The following ELOVL2 variants were observed in gnomAD, a reference collection of about 807,000 sequenced individuals.
The protein encoded by ELOVL2 is very long chain fatty acid elongase 2.
A neutral mutation model predicts 37.7 loss-of-function variants in ELOVL2; 38 were observed. The observed-to-expected ratio is 1.01, with a 90% CI of 0.78 to 1.32. ELOVL2 has a LOEUF of 1.32. Ranked by LOEUF, ELOVL2 falls within the 40% of genes most tolerant of loss-of-function variation. ELOVL2 has a pLI of 0.00. For missense variants in ELOVL2, 352 were observed against 363.6 expected (o/e 0.97, Z 0.26); for synonymous variants, 115 against 122.3 (o/e 0.94, Z 0.40).
chr6:11,017,452 G>A (rs1782702412), intron 1 of ELOVL2, among the ~76,000 whole-genome samples: 1 of 152,124 alleles, frequency 6.6e-6, no homozygotes, highest in African/African-American at 2.4e-5. Flanking sequence ...GGTATCTCAG[G>A]ATACCACAAA....
Position 10,989,685 on chromosome 6 carries a change from T to C in ELOVL2, c.765+18A>G. 1 of 1,608,874 alleles carries C rather than the reference T, an allele frequency of 6.2e-7. No homozygotes were observed. Among genetic ancestry groups the C allele is most frequent in the Non-Finnish European group, 8.5e-7 (1 of 1,176,974 alleles). On this transcript the variant is annotated intron_variant, in intron 7 of 7. Transcript: ENST00000354666. Reference sequence around the variant, plus strand: ...CAATCGATTACATTTTACTGCTGAATATTTACATTCCACGTACCTGAACGT... The same window carrying C: ...CAATCGATTACATTTTACTGCTGAACATTTACATTCCACGTACCTGAACGT...
chr6:11,031,601 CT>C (rs1232757957), intron 1 of ELOVL2, among the ~76,000 whole-genome samples: 2 of 152,142 alleles, frequency 1.3e-5, no homozygotes, highest in Admixed American at 6.6e-5. Context: ...TAGTGCTAAT[CT>C]TTTGTTATAT....
chr6:10,998,825 T>C (rs931761768), intron 4 of ELOVL2, among the ~76,000 whole-genome samples: 1 of 152,264 alleles, frequency 6.6e-6, no homozygotes, highest in Non-Finnish European at 1.5e-5. Context: ...TGGGTTGTCA[T>C]AGACTAGGCC....
chr6:11,029,223 CAAAAAAAAAAA>C (rs376639413), intron 1 of ELOVL2, among the ~76,000 whole-genome samples: 13 of 75,784 alleles, frequency 1.7e-4, no homozygotes, highest in African/African-American at 5.2e-4. Context: ...AGGGAGATCT[CAAAAAAAAAAA>C]AAAAAAAAAA....
rs112664288 is a variant in ELOVL2 at position 10,989,980 on chromosome 6, C to T, written c.631-143G>A. ...CAAAACAAAGCTGCTGAAGCAGCCC[C>T]CTCATCCAGAAATCTTATTTGAAAT... On this transcript the variant is annotated intron_variant, in intron 6 of 7. Coordinates refer to ENST00000354666, the MANE Select transcript of ELOVL2 (RefSeq NM_017770.4). 4.9e-4 allele frequency: 456 copies of T among 921,652 alleles called. 2 individuals carry two copies. In the African/African-American group the frequency reaches 6.7e-3, roughly 14 times the overall value. 57.1% of individuals were successfully genotyped at this position (921,652 alleles called of 1,614,324 possible). A position where few individuals can be genotyped will look rare whatever the true frequency, so the allele number is the denominator to read the frequency against.
At chr6:10,993,119 C>T (rs1048821294) in intron 5 of ELOVL2, among the ~76,000 whole-genome samples, 1 of 152,114 alleles carries the variant, frequency 6.6e-6, no homozygotes, top group Admixed American at 6.6e-5. Context: ...GCATTTATAG[C>T]CTTGGTCAAA....
chr6:10,990,214 G>A, intron 6 of ELOVL2, 104 bp downstream of exon 6: 4 of 1,437,652 alleles, frequency 2.8e-6, no homozygotes, highest in East Asian at 2.4e-5. Context: ...AAAAAAAATG[G>A]GCAGCCTCAT....
intron 1 of ELOVL2, among the ~76,000 whole-genome samples, chr6:11,023,233 T>A (rs1176893120): frequency 1.3e-5 from 2 of 152,130 alleles, no homozygotes; most frequent in African/African-American, 4.8e-5. Context: ...TTTGGGAACA[T>A]GGGGAAGAAT....
chr6:10,990,361 T>C lies in ELOVL2; in HGVS notation c.587A>G (p.His196Arg), dbSNP rs1207010646. The C allele has an allele frequency of 1.2e-6, 2 of 1,613,056 alleles. No individual in the cohort carries two copies. The highest frequency in any genetic ancestry group is 4.5e-5 in the East Asian group (2 of 44,838). ...YYGLSVFPSM[H>R]KYLWWKKYLT... ...ATATTTCTTCCACCAAAGATACTTGTGCATAGATGGAAACACAGAAAGTCC... is the reference window on the plus strand; with the variant it reads ...ATATTTCTTCCACCAAAGATACTTGCGCATAGATGGAAACACAGAAAGTCC... Residue 196 changes from histidine to arginine, a missense_variant, in exon 6 of 8, where the codon CAC becomes CGC. Coordinates refer to ENST00000354666, the MANE Select transcript of ELOVL2 (RefSeq NM_017770.4).
intron 4 of ELOVL2, among the ~76,000 whole-genome samples, chr6:10,995,718 A>G (rs1782255716): frequency 6.6e-6 from 1 of 152,214 alleles, no homozygotes; most frequent in Non-Finnish European, 1.5e-5. Flanking sequence ...TATTCAAATT[A>G]CTTTAACTGT....
chr6:10,989,964 G>A, intron 6 of ELOVL2, 127 bp from the exon 7 acceptor site: 1 of 1,076,534 alleles, frequency 9.3e-7, no homozygotes, highest in Non-Finnish European at 1.3e-6. Flanking sequence ...ACAAAACAAA[G>A]CTGCTGAAGC....
chr6:10,989,021 C>T (rs1430661662), intron 7 of ELOVL2, among the ~76,000 whole-genome samples: 1 of 152,222 alleles, frequency 6.6e-6, no homozygotes, highest in Non-Finnish European at 1.5e-5. Context: ...GAAGCCCTTG[C>T]TTTGCTCCAT....
At chr6:10,999,366 C>T (rs2113497121) in intron 4 of ELOVL2, among the ~76,000 whole-genome samples, 1 of 146,562 alleles carries the variant, frequency 6.8e-6, no homozygotes, top group African/African-American at 2.5e-5. Context: ...TGTTCCCTCC[C>T]CTCAAAGGAA....
chr6:11,002,835 T>C (rs1012387099), intron 3 of ELOVL2, among the ~76,000 whole-genome samples: 1 of 152,222 alleles, frequency 6.6e-6, no homozygotes, highest in African/African-American at 2.4e-5. Flanking sequence ...TTATCCATCT[T>C]ATACCTTCAG....
chr6:10,994,311 A>G (rs1782223917), intron 5 of ELOVL2, among the ~76,000 whole-genome samples: 1 of 152,040 alleles, frequency 6.6e-6, no homozygotes, highest in Non-Finnish European at 1.5e-5. Context: ...TACTAAAAAT[A>G]CAAAAAATTA....
intron 2 of ELOVL2, among the ~76,000 whole-genome samples, chr6:11,008,917 A>G (rs1178324193): frequency 4.6e-5 from 7 of 152,232 alleles, no homozygotes; most frequent in African/African-American, 1.7e-4. Flanking sequence ...CTTGAGAAAC[A>G]GGAAAACCTC....
chr6:11,042,678 C>G (rs963540915), intron 1 of ELOVL2, among the ~76,000 whole-genome samples: 1 of 151,918 alleles, frequency 6.6e-6, no homozygotes, highest in African/African-American at 2.4e-5. Context: ...AGATAGCCGC[C>G]TAGACTCGTC....
intron 1 of ELOVL2, among the ~76,000 whole-genome samples, chr6:11,034,046 G>T (rs1782974030): frequency 6.6e-6 from 1 of 152,180 alleles, no homozygotes; most frequent in Non-Finnish European, 1.5e-5. Context: ...CAATTAGTAA[G>T]AAGTGGAGTA....
chr6:11,002,523 T>G (rs1782405440), intron 3 of ELOVL2, among the ~76,000 whole-genome samples: 1 of 152,194 alleles, frequency 6.6e-6, no homozygotes, highest in Non-Finnish European at 1.5e-5. Flanking sequence ...GAGAGGAGAC[T>G]GGGTGGCAAT....
Sources: allele counts gnomAD v4.1 joint callset (sites outside exome capture counted in the v4.1 genomes callset), GRCh38; gene constraint gnomAD v4.1.1; transcripts MANE v1.5; gene names NCBI Gene and HGNC (gene_info 2026-07-23, HGNC 2026-07-21).